Variants in NMS observed in about 807,000 individuals in gnomAD.
NMS encodes neuromedin S, also known as neuromedin-S.
A neutral mutation model predicts 32.2 loss-of-function variants in NMS; 30 were observed. The ratio of observed to expected loss-of-function variants is 0.93; its 90% CI spans 0.70 to 1.26. NMS has a LOEUF of 1.26. Ranked by LOEUF, NMS falls within the 50% of genes most tolerant of loss-of-function variation. NMS has a pLI of 0.00. For synonymous variants in NMS, 76 were observed against 58.5 expected, an observed-to-expected ratio of 1.30 and a Z score of -1.37; for missense variants, 190 against 186.3, an observed-to-expected ratio of 1.02 and a Z score of -0.12.
intron 1 of NMS, among the ~76,000 whole-genome samples, chr2:100,472,477 G>T (rs1288232041): frequency 6.6e-6 from 1 of 152,170 alleles, no homozygotes; most frequent in African/African-American, 2.4e-5. Context: ...AAACTAAGTT[G>T]TTACCTTGGA....
At chr2:100,479,244 C>A (rs1677169667) in intron 5 of NMS, 109 bp from the exon 6 acceptor site, 4 of 729,462 alleles carry the variant, frequency 5.5e-6, no homozygotes, top group Non-Finnish European at 6.3e-6. Flanking sequence ...AAAATTAAAC[C>A]CATTTGTAAG....
At position 100,480,620 on chromosome 2, in the gene NMS, C is replaced by T; in HGVS notation, c.372+89C>T. The stretch of plus-strand genomic sequence containing the variant: ...TCCTTGGAGCCAGCCACCCTGCAGC[C>T]CCTCCAGACCAGTTCTGGGCAGAGC... On this transcript the variant is annotated intron_variant, in intron 7 of 9. Coordinates refer to ENST00000376865, the MANE Select transcript of NMS (RefSeq NM_001011717.1). 4 of 1,312,818 alleles carry T rather than the reference C, an allele frequency of 3.0e-6. No individual in the cohort carries two copies. In the South Asian group the frequency reaches 4.9e-5, roughly 16 times the overall value. The allele number at this position is 1,312,818 out of a possible 1,614,324, so 81.3% of individuals were successfully genotyped here.
chr2:100,477,178 A>G, intron 3 of NMS, 66 bp from the exon 4 acceptor site: 1 of 1,377,888 alleles, frequency 7.3e-7, no homozygotes, highest in East Asian at 2.3e-5. Flanking sequence ...CCTTATACAG[A>G]AAACGTTATC....
intron 5 of NMS, 49 bp from the exon 6 acceptor site, chr2:100,479,304 C>T (rs1462071739): frequency 9.9e-6 from 14 of 1,412,542 alleles, no homozygotes; most frequent in East Asian, 4.9e-5. Flanking sequence ...CAAAATACCC[C>T]TCTGTGGATG....
chr2:100,475,935 G>T (rs1423520495), intron 3 of NMS, among the ~76,000 whole-genome samples: 3 of 149,674 alleles, frequency 2.0e-5, no homozygotes, highest in African/African-American at 5.0e-5. Context: ...GGAGGTGGAG[G>T]CTGCAGTGAG....
intron 2 of NMS, 146 bp downstream of exon 2, chr2:100,472,996 A>G: frequency 1.9e-6 from 1 of 538,820 alleles, no homozygotes; most frequent in Non-Finnish European, 3.4e-6. Flanking sequence ...GGCCTCATTT[A>G]AGGCATCCTG....
intron 5 of NMS, among the ~76,000 whole-genome samples, chr2:100,478,556 G>A (rs74624957): frequency 1.8e-4 from 28 of 152,218 alleles, no homozygotes; most frequent in East Asian, 1.4e-3. Context: ...TCCGCCTCCC[G>A]GCTTCAAGCC....
chr2:100,478,775 AC>A lies in NMS; in HGVS notation c.262-576del, dbSNP rs569571487. ...GGCCAAGGAGGGGAATATTATCAAGACCAACAAGGGCACATGAAAGGAGAAA... is the reference window on the plus strand; with the variant it reads ...GGCCAAGGAGGGGAATATTATCAAGACAACAAGGGCACATGAAAGGAGAAA... On this transcript the variant is annotated intron_variant, in intron 5 of 9. Transcript: ENST00000376865. Among the ~76,000 whole-genome samples the A allele has an allele frequency of 3.3e-5, 5 of 152,366 alleles. No individual in the cohort carries two copies. The East Asian group carries it at 9.6e-4, about 29-fold the overall frequency.
intron 5 of NMS, among the ~76,000 whole-genome samples, chr2:100,478,539 T>C (rs1308155749): frequency 1.3e-5 from 2 of 152,190 alleles, no homozygotes; most frequent in African/African-American, 4.8e-5. Flanking sequence ...CTCAGCTCAC[T>C]GCAATCTCCG....
chr2:100,481,104 C>T (rs1677207740), intron 7 of NMS, 22 bp from the exon 8 acceptor site: 1 of 1,613,508 alleles, frequency 6.2e-7, no homozygotes, highest in Non-Finnish European at 8.5e-7. Flanking sequence ...TGCATAATGG[C>T]TTGTGTTTCT....
chr2:100,480,705 G>A (rs1298160709), intron 7 of NMS, among the ~76,000 whole-genome samples, 174 bp downstream of exon 7: 3 of 152,130 alleles, frequency 2.0e-5, no homozygotes, highest in African/African-American at 4.8e-5. Context: ...AGGTTTCCCT[G>A]GGGCAGACAG....
chr2:100,473,408 T>A (rs1677042250), intron 2 of NMS, 81 bp from the exon 3 acceptor site: 2 of 652,092 alleles, frequency 3.1e-6, no homozygotes, highest in Non-Finnish European at 4.9e-6. Flanking sequence ...TTCTATCTAA[T>A]TGTATTTGAT....
intron 3 of NMS, 145 bp from the exon 4 acceptor site, chr2:100,477,099 G>A (rs1015246136): frequency 4.5e-5 from 30 of 672,134 alleles, no homozygotes; most frequent in Admixed American, 3.1e-4. Flanking sequence ...TTAAATTTAC[G>A]TAATAATTTC....
chr2:100,476,387 ATATG>A (rs1223551570), intron 3 of NMS, among the ~76,000 whole-genome samples: 2 of 152,236 alleles, frequency 1.3e-5, no homozygotes, highest in African/African-American at 4.8e-5. Context: ...GCATCCACAC[ATATG>A]TACATGGTAG....
chr2:100,476,973 G>T (rs1357934274), intron 3 of NMS, among the ~76,000 whole-genome samples: 1 of 152,080 alleles, frequency 6.6e-6, no homozygotes, highest in Non-Finnish European at 1.5e-5. Flanking sequence ...CAGAGAGTAG[G>T]TCTCTCCTCC....
chr2:100,472,083 C>A (rs183686813), intron 1 of NMS, among the ~76,000 whole-genome samples: 11 of 152,268 alleles, frequency 7.2e-5, no homozygotes, highest in Non-Finnish European at 1.5e-4. Context: ...TTTCTTTTGT[C>A]TTGTTTTTAA....
intron 3 of NMS, among the ~76,000 whole-genome samples, chr2:100,475,489 T>A (rs1424948502): frequency 6.6e-6 from 1 of 152,120 alleles, no homozygotes; most frequent in Non-Finnish European, 1.5e-5. Context: ...TTAGAAGACG[T>A]TTCAACTGGG....
intron 1 of NMS, among the ~76,000 whole-genome samples, chr2:100,471,396 T>C (rs184928573): frequency 7.2e-5 from 11 of 152,286 alleles, no homozygotes; most frequent in African/African-American, 2.6e-4. Flanking sequence ...AACTGGGCCT[T>C]GCAAAGGACC....
In NMS at chr2:100,470,616, A is replaced by G. The variant is rs564338121; in HGVS notation, c.76+52A>G. The G allele has an allele frequency of 2.1e-6, 3 of 1,417,418 alleles. No individual in the cohort carries two copies. In the East Asian group the frequency reaches 6.8e-5, roughly 32 times the overall value. The allele number at this position is 1,417,418 out of a possible 1,614,324, so 87.8% of individuals were successfully genotyped here. A position where few individuals can be genotyped will look rare whatever the true frequency, so the allele number is the denominator to read the frequency against. ...CTGGCCTAAACTCTGAGGATGTCTGAGACAGACCTTGATCCCCCAGGGCAG... is the reference window on the plus strand; with the variant it reads ...CTGGCCTAAACTCTGAGGATGTCTGGGACAGACCTTGATCCCCCAGGGCAG... On this transcript the variant is annotated intron_variant, in intron 1 of 9. Transcript: ENST00000376865.
Sources: gnomAD v4.1 joint callset for allele counts (sites outside exome capture counted in the v4.1 genomes callset) on GRCh38, gnomAD v4.1.1 for gene constraint, MANE v1.5 for transcripts, NCBI Gene and HGNC (gene_info 2026-07-23, HGNC 2026-07-21) for gene names.